Variants in MAD1L1 observed in about 807,000 individuals in gnomAD.
The protein encoded by MAD1L1 is mitotic spindle assembly checkpoint protein MAD1.
A neutral mutation model predicts 96.9 loss-of-function variants in MAD1L1; 95 were observed. That is an observed-to-expected ratio of 0.98 (90% CI 0.83 to 1.16). The LOEUF is 1.16. MAD1L1 is among the 50% of genes most tolerant of loss of function. The pLI is 0.00. For synonymous variants in MAD1L1, 473 were observed against 396.6 expected, an observed-to-expected ratio of 1.19 and a Z score of -2.29; for missense variants, 1,007 against 954.4, an observed-to-expected ratio of 1.06 and a Z score of -0.73.
intron 10 of MAD1L1, among the ~76,000 whole-genome samples, chr7:2,195,155 A>T (rs1791922294): frequency 6.6e-6 from 1 of 152,128 alleles, no homozygotes; most frequent in African/African-American, 2.4e-5. Context: ...CTTAGCAGTG[A>T]CCCCTACTGG....
At position 2,232,933 on chromosome 7, in the gene MAD1L1, C is replaced by T. The variant is rs776028333; in HGVS notation, c.-251G>A. 3.9e-5 allele frequency: 6 copies of T among 152,392 alleles called. No homozygotes were observed. The highest frequency in any genetic ancestry group is 2.0e-4 in the Admixed American group (3 of 15,308). The allele number at this position is 152,392 out of a possible 1,614,324, so 9.4% of individuals were successfully genotyped here. On this transcript the variant is annotated 5_prime_UTR_variant, in exon 1 of 19. It removes an upstream start codon present in the reference 5' UTR. Transcript: ENST00000265854. ...GATCTCCCTCCGCTCCGCCGGCGCC[C>T]ATTTATCGCGACACTTGCGCCTGCG...
chr7:2,038,944 A>G (rs1036469678), intron 12 of MAD1L1, among the ~76,000 whole-genome samples: 4 of 152,208 alleles, frequency 2.6e-5, no homozygotes, highest in African/African-American at 7.2e-5. Context: ...ACAGTATCAC[A>G]ACCCGTATGC....
In MAD1L1 at chr7:2,088,330, T is replaced by C. The variant is rs1234138663; in HGVS notation, c.1074-18992A>G. 3.9e-5 allele frequency among the ~76,000 whole-genome samples: 6 copies of C among 152,132 alleles called. No homozygotes were observed. The highest frequency in any genetic ancestry group is 8.8e-5 in the Non-Finnish European group (6 of 68,022). On this transcript the variant is annotated intron_variant, in intron 11 of 18. Transcript: ENST00000265854. The surrounding 1 kb of genome is among the most constrained non-coding windows in gnomAD (Gnocchi z 4.4). ...CGCCATCTGGTTACCAGCACGGTGG[T>C]CTCGTGCTACCCTGGTTCCGTGTCG...
At chr7:1,913,780 G>A (rs62442903) in intron 17 of MAD1L1, among the ~76,000 whole-genome samples, 25,450 of 152,118 alleles carry the variant, frequency 0.17, 2,612 homozygotes, top group South Asian at 0.28. Context: ...AATGCAGGCC[G>A]TCCGGATTCC....
intron 16 of MAD1L1, among the ~76,000 whole-genome samples, chr7:1,952,325 C>T (rs998590408): frequency 2.1e-4 from 32 of 152,348 alleles, no homozygotes; most frequent in Admixed American, 1.8e-3. Context: ...CCCCGGCGGC[C>T]CGGTCCGGAG....
chr7:1,975,540 T>C (rs1173284202), intron 15 of MAD1L1, among the ~76,000 whole-genome samples: 3 of 152,242 alleles, frequency 2.0e-5, no homozygotes, highest in African/African-American at 7.2e-5. Flanking sequence ...AGGCAGGGAC[T>C]GTCTTTCCAG....
At chr7:1,980,299 C>T (rs112047766) in intron 15 of MAD1L1, among the ~76,000 whole-genome samples, 154 bp downstream of exon 15, 3,484 of 150,964 alleles carry the variant, frequency 0.023, 136 homozygotes, top group African/African-American at 0.081. Context: ...TCCGCCTCTT[C>T]CTCCGTGGGA....
intron 12 of MAD1L1, among the ~76,000 whole-genome samples, chr7:2,058,512 A>G (rs1336843125): frequency 6.0e-5 from 4 of 66,466 alleles, no homozygotes; most frequent in Admixed American, 1.4e-4. Context: ...GTGTGGCCAG[A>G]GGAGAGGAGA....
chr7:1,890,348 GTC>G (rs951477180), intron 18 of MAD1L1, among the ~76,000 whole-genome samples: 5 of 152,176 alleles, frequency 3.3e-5, no homozygotes, highest in African/African-American at 9.7e-5. Context: ...AATTAGTGAG[GTC>G]TCTCTCTGTT....
chr7:1,990,680 C>A (rs1781368705), intron 14 of MAD1L1, among the ~76,000 whole-genome samples: 1 of 152,276 alleles, frequency 6.6e-6, no homozygotes, highest in Non-Finnish European at 1.5e-5. Context: ...GCCTCACCAC[C>A]AGGGCTGCAG....
intron 14 of MAD1L1, among the ~76,000 whole-genome samples, chr7:1,981,926 AAAAG>A (rs1310096543): frequency 6.6e-6 from 1 of 152,128 alleles, no homozygotes; most frequent in African/African-American, 2.4e-5. Flanking sequence ...GGGTCCATTA[AAAAG>A]AAAGATCCAC....
chr7:2,129,545 G>A (rs577400433), intron 11 of MAD1L1, among the ~76,000 whole-genome samples: 2 of 152,242 alleles, frequency 1.3e-5, no homozygotes, highest in African/African-American at 4.8e-5. Flanking sequence ...CACACACGAG[G>A]CAGCAGGACA....
intron 11 of MAD1L1, among the ~76,000 whole-genome samples, chr7:2,104,602 G>A (rs993797789): frequency 6.6e-6 from 1 of 152,120 alleles, no homozygotes; most frequent in East Asian, 1.9e-4. Flanking sequence ...CCAGCTCTTC[G>A]GTTTAAATGA....
intron 12 of MAD1L1, among the ~76,000 whole-genome samples, chr7:2,053,608 G>A (rs957985208): frequency 8.5e-5 from 13 of 152,194 alleles, no homozygotes; most frequent in Non-Finnish European, 1.5e-4. Flanking sequence ...CAGAGGTGGG[G>A]CCCATCTTCC....
chr7:2,072,787 A>G (rs1185548577), intron 11 of MAD1L1, among the ~76,000 whole-genome samples: 1 of 152,238 alleles, frequency 6.6e-6, no homozygotes, highest in African/African-American at 2.4e-5. Flanking sequence ...TGCGCTGGGA[A>G]GCACCCTCAG....
chr7:1,902,051 A>G (rs1272148086), intron 17 of MAD1L1, among the ~76,000 whole-genome samples: 1 of 152,094 alleles, frequency 6.6e-6, no homozygotes, highest in Non-Finnish European at 1.5e-5. Flanking sequence ...TTCAAGTGGG[A>G]GTCAGAGAGG....
chr7:1,868,598 T>C (rs1784892478), intron 18 of MAD1L1, among the ~76,000 whole-genome samples: 1 of 152,068 alleles, frequency 6.6e-6, no homozygotes, highest in Non-Finnish European at 1.5e-5. Flanking sequence ...GGGATTAGGC[T>C]TGGATTTCTC....
At chr7:1,887,389 G>A (rs532853349) in intron 18 of MAD1L1, among the ~76,000 whole-genome samples, 11 of 150,204 alleles carry the variant, frequency 7.3e-5, no homozygotes, top group African/African-American at 2.2e-4. Context: ...GCGTGTACAT[G>A]CATGTATGTG....
chr7:2,024,661 C>G (rs1782924629), intron 12 of MAD1L1, among the ~76,000 whole-genome samples: 1 of 152,232 alleles, frequency 6.6e-6, no homozygotes, highest in South Asian at 2.1e-4. Flanking sequence ...TAGTGCTTCT[C>G]TCTTTGGAAT....
Sources: gnomAD v4.1 joint callset for allele counts (sites outside exome capture counted in the v4.1 genomes callset) on GRCh38, gnomAD v4.1.1 for gene constraint, Gnocchi (gnomAD v3.1) non-coding constraint, MANE v1.5 for transcripts, NCBI Gene and HGNC (gene_info 2026-07-23, HGNC 2026-07-21) for gene names.